IGSF21: variants seen among roughly 807,000 people sequenced by gnomAD.
The protein encoded by IGSF21 is immunoglobulin superfamily member 21.
Under a neutral mutation model 46.8 loss-of-function variants are expected in IGSF21, and 28 were observed. The observed-to-expected ratio is 0.60, with a 90% CI of 0.44 to 0.82. The LOEUF is 0.82. Among genes scored for constraint, IGSF21 ranks in the 40% least tolerant of loss-of-function variants. The pLI, the probability that IGSF21 is intolerant of heterozygous loss-of-function variation, is 0.00. For synonymous variants in IGSF21, 284 were observed against 273.6 expected (o/e 1.04, Z -0.38); for missense variants, 624 against 665.5 (o/e 0.94, Z 0.69).
At chr1:18,311,243 G>C (rs2085485813) in intron 3 of IGSF21, among the ~76,000 whole-genome samples, 1 of 152,130 alleles carries the variant, frequency 6.6e-6, no homozygotes, top group Admixed American at 6.5e-5. Flanking sequence ...CCCTGTTTCT[G>C]AAAGTGTCCA....
chr1:18,264,043 G>A (rs753608171), intron 2 of IGSF21, among the ~76,000 whole-genome samples: 1 of 152,030 alleles, frequency 6.6e-6, no homozygotes, highest in Non-Finnish European at 1.5e-5. Context: ...ATATTATTAG[G>A]GCCAAAAATA....
At chr1:18,292,112 C>G (rs981056916) in intron 3 of IGSF21, 125 bp downstream of exon 3, 7 of 1,010,096 alleles carry the variant, frequency 6.9e-6, no homozygotes, top group Non-Finnish European at 1.0e-5. Flanking sequence ...GAAGGCAGAA[C>G]TGGGGGCTCC....
At chr1:18,174,303 C>T (rs958942203) in intron 1 of IGSF21, among the ~76,000 whole-genome samples, 11 of 152,178 alleles carry the variant, frequency 7.2e-5, no homozygotes, top group Non-Finnish European at 1.0e-4. Flanking sequence ...ATGTGTTCCC[C>T]GAATCCGAGC....
intron 1 of IGSF21, among the ~76,000 whole-genome samples, chr1:18,182,762 G>A (rs543042085): frequency 6.6e-6 from 1 of 152,242 alleles, no homozygotes; most frequent in African/African-American, 2.4e-5. Context: ...CCCACCCCTC[G>A]AGGGGGGTCA....
intron 1 of IGSF21, among the ~76,000 whole-genome samples, chr1:18,190,784 G>A (rs1218846753): frequency 6.6e-6 from 1 of 152,176 alleles, no homozygotes; most frequent in Non-Finnish European, 1.5e-5. Context: ...GTAAAACATG[G>A]CCAGCTATCA....
At chr1:18,113,351 T>C (rs2086159876) in intron 1 of IGSF21, 1 of 152,030 alleles carries the variant, frequency 6.6e-6, no homozygotes, top group Non-Finnish European at 1.5e-5. Flanking sequence ...CGGCTAAGAT[T>C]CCATGGATGG....
intron 1 of IGSF21, among the ~76,000 whole-genome samples, chr1:18,211,023 C>G (rs1417339728): frequency 6.6e-6 from 1 of 152,026 alleles, no homozygotes; most frequent in African/African-American, 2.4e-5. Flanking sequence ...AAGTGTGCAC[C>G]AACACACCCA....
rs769033168 is a variant in IGSF21, at chr1:18,334,898, C to T, written c.312C>T (p.Pro104=). The part of the protein sequence containing the change: ...DLVYQSTVRL[P]EVRISDNGPY... ...TGTCTTCTGCCTCCCCCAGGCTGCC[C>T]GAGGTCCGGATCTCAGACAATGGTC... The change falls in exon 4 of 10, where the codon CCC becomes CCT. Residue 104 remains proline, a synonymous_variant. Transcript: ENST00000251296. The surrounding 1 kb of genome is among the most constrained non-coding windows in gnomAD (Gnocchi z 4.3). The T allele has an allele frequency of 2.2e-5, 35 of 1,613,574 alleles. No homozygotes were observed. The highest frequency in any genetic ancestry group is 1.3e-4 in the South Asian group (12 of 91,056).
chr1:18,119,327 G>A (rs113223997), intron 1 of IGSF21, among the ~76,000 whole-genome samples: 7 of 152,344 alleles, frequency 4.6e-5, no homozygotes, highest in African/African-American at 1.7e-4. Context: ...GGCCATGTGT[G>A]ACTACTGACA....
chr1:18,287,112 C>G (rs963489982), intron 2 of IGSF21, among the ~76,000 whole-genome samples: 1 of 148,900 alleles, frequency 6.7e-6, no homozygotes, highest in Non-Finnish European at 1.5e-5. Flanking sequence ...ACCCGGGAGG[C>G]GGAGCTTGCA....
chr1:18,250,179 C>G (rs564638293), intron 2 of IGSF21, among the ~76,000 whole-genome samples: 106 of 148,792 alleles, frequency 7.1e-4, no homozygotes, highest in African/African-American at 2.3e-3. Context: ...TCAGAGACCC[C>G]AGGGAATTCA....
intron 1 of IGSF21, among the ~76,000 whole-genome samples, chr1:18,214,094 CAT>C (rs1263468226): frequency 6.6e-6 from 1 of 152,140 alleles, no homozygotes; most frequent in African/African-American, 2.4e-5. Context: ...TAATGAAACA[CAT>C]ATTAATAATA....
chr1:18,378,266 C>G lies in IGSF21; in HGVS notation c.1344C>G (p.Gly448=). The change falls in exon 10 of 10, where the codon GGC becomes GGG. Residue 448 remains glycine (G), a synonymous_variant. Transcript: ENST00000251296. ...RGTEDSNGSI[G]PTGARLTLVL... ...TGATTCCTGGCACAGGTTCCATTGG[C>G]CCCACTGGTGCCCGGCTCACCTTGG... 1 of 1,613,962 alleles carries G rather than the reference C, an allele frequency of 6.2e-7. No individual in the cohort carries two copies. Among genetic ancestry groups the G allele is most frequent in the South Asian group, 1.1e-5 (1 of 91,058 alleles).
intron 6 of IGSF21, among the ~76,000 whole-genome samples, chr1:18,372,553 G>T (rs918706196): frequency 1.8e-4 from 27 of 150,166 alleles, no homozygotes; most frequent in Non-Finnish European, 8.9e-5. Flanking sequence ...TGGATGGATG[G>T]ATGTTTTGAT....
chr1:18,177,062 C>A (rs2086806476), intron 1 of IGSF21, among the ~76,000 whole-genome samples: 1 of 152,188 alleles, frequency 6.6e-6, no homozygotes, highest in Non-Finnish European at 1.5e-5. Flanking sequence ...GCCATCCTCC[C>A]AGTCTGTGCT....
chr1:18,347,686 ACC>A (rs2085908363), intron 4 of IGSF21, among the ~76,000 whole-genome samples: 1 of 152,144 alleles, frequency 6.6e-6, no homozygotes, highest in Admixed American at 6.5e-5. Flanking sequence ...GAAACCTCTG[ACC>A]CATTATTGTG....
chr1:18,364,273 A>G (rs1489499474), intron 5 of IGSF21, among the ~76,000 whole-genome samples: 1 of 152,206 alleles, frequency 6.6e-6, no homozygotes, highest in Non-Finnish European at 1.5e-5. Flanking sequence ...TCAAAAAGAA[A>G]AAAGGAAAGA....
chr1:18,352,121 T>C (rs966855247), intron 4 of IGSF21, among the ~76,000 whole-genome samples: 2 of 152,166 alleles, frequency 1.3e-5, no homozygotes, highest in Non-Finnish European at 1.5e-5. Flanking sequence ...CCAGGGAGGC[T>C]CCAGAGGGTT....
At chr1:18,343,164 T>C (rs1012613383) in intron 4 of IGSF21, among the ~76,000 whole-genome samples, 3 of 152,352 alleles carry the variant, frequency 2.0e-5, no homozygotes, top group Middle Eastern at 6.8e-3. Flanking sequence ...TGATGTCTCT[T>C]TGTGGCTTTG....
Sources: gnomAD v4.1 joint callset for allele counts (sites outside exome capture counted in the v4.1 genomes callset) on GRCh38, gnomAD v4.1.1 for gene constraint, Gnocchi (gnomAD v3.1) non-coding constraint, MANE v1.5 for transcripts, NCBI Gene and HGNC (gene_info 2026-07-23, HGNC 2026-07-21) for gene names.